Variants in MDGA2 observed in about 807,000 individuals in gnomAD.
MDGA2 encodes the protein MAM domain-containing glycosylphosphatidylinositol anchor protein 2.
In MDGA2, 40 loss-of-function variants were observed where a neutral mutation model predicts 117.8. That is an observed-to-expected ratio of 0.34 (90% CI 0.26 to 0.44). The LOEUF (loss-of-function observed/expected upper bound fraction) is 0.44. Ranked by LOEUF, MDGA2 falls within the 20% of genes least tolerant of loss-of-function variation. The pLI is 1.00. For missense variants in MDGA2, 1,123 were observed against 1,250.6 expected (o/e 0.90, Z 1.54); for synonymous variants, 452 against 439.0 (o/e 1.03, Z -0.37).
In MDGA2 at chr14:47,660,378, T is replaced by C. The variant is rs17119026; in HGVS notation, c.280+14139A>G. ...TAGTCACAATGATACAGGGTTATAC[T>C]ATAGGACACAATAACAGCATTCAAA... On this transcript the variant is annotated intron_variant, in intron 1 of 16. Transcript: ENST00000399232. 0.018 allele frequency among the ~76,000 whole-genome samples: 2,672 copies of C among 152,326 alleles called. 164 individuals are homozygous for C. In the East Asian group the frequency reaches 0.22, roughly 13 times the overall value.
chr14:47,047,397 T>C (rs1429643376), intron 7 of MDGA2, among the ~76,000 whole-genome samples: 2 of 152,114 alleles, frequency 1.3e-5, no homozygotes, highest in African/African-American at 4.8e-5. Flanking sequence ...AATGGCACAA[T>C]GCTCATGAAA....
chr14:47,345,074 T>C (rs536570116), intron 1 of MDGA2, among the ~76,000 whole-genome samples: 137 of 152,244 alleles, frequency 9.0e-4, no homozygotes, highest in African/African-American at 3.1e-3. Flanking sequence ...TTTCTCACAT[T>C]TCTCTCCTTA....
At chr14:47,489,311 A>G (rs1010388196) in intron 1 of MDGA2, among the ~76,000 whole-genome samples, 6 of 152,100 alleles carry the variant, frequency 3.9e-5, no homozygotes, top group Non-Finnish European at 7.4e-5. Flanking sequence ...ATGGTTGTAT[A>G]CTGAATTTAT....
chr14:46,921,018 A>G (rs996320277), intron 9 of MDGA2, among the ~76,000 whole-genome samples: 21 of 152,194 alleles, frequency 1.4e-4, no homozygotes, highest in Non-Finnish European at 2.8e-4. Flanking sequence ...TGAAAAGTTT[A>G]CACACCATTT....
At chr14:47,525,672 G>C (rs1242944586) in intron 1 of MDGA2, among the ~76,000 whole-genome samples, 1 of 151,532 alleles carries the variant, frequency 6.6e-6, no homozygotes, top group East Asian at 1.9e-4. Context: ...ACGACAGTGA[G>C]ACACCGTCTC....
intron 1 of MDGA2, among the ~76,000 whole-genome samples, chr14:47,631,013 A>G (rs1348733804): frequency 1.3e-5 from 2 of 152,202 alleles, no homozygotes; most frequent in African/African-American, 2.4e-5. Flanking sequence ...AGAGCAAGAC[A>G]GCTCCTTTTT....
intron 1 of MDGA2, among the ~76,000 whole-genome samples, chr14:47,534,525 G>A (rs1368288232): frequency 1.3e-5 from 2 of 152,158 alleles, no homozygotes; most frequent in South Asian, 4.1e-4. Flanking sequence ...AAGTGAGAGA[G>A]AGCCAGGAGA....
chr14:46,876,702 AAAC>A (rs1181450738), intron 12 of MDGA2, among the ~76,000 whole-genome samples: 1 of 144,744 alleles, frequency 6.9e-6, no homozygotes, highest in African/African-American at 2.4e-5. Flanking sequence ...TGAAAAAACA[AAAC>A]AAAAAAAAAC....
chr14:47,071,351 C>T (rs17649530), intron 6 of MDGA2, among the ~76,000 whole-genome samples: 11 of 152,110 alleles, frequency 7.2e-5, no homozygotes, highest in Non-Finnish European at 1.2e-4. Flanking sequence ...AACAAAGATC[C>T]GGATGTGTTG....
chr14:46,994,385 A>G (rs1180744889), intron 8 of MDGA2, among the ~76,000 whole-genome samples: 1 of 152,156 alleles, frequency 6.6e-6, no homozygotes, highest in African/African-American at 2.4e-5. Context: ...GACCTTCAGG[A>G]CTGCAATTGG....
At chr14:47,405,158 C>T (rs1303139594) in intron 1 of MDGA2, among the ~76,000 whole-genome samples, 3 of 152,046 alleles carry the variant, frequency 2.0e-5, no homozygotes, top group African/African-American at 7.2e-5. Flanking sequence ...ACAAGAATGG[C>T]TCTATGCGGC....
chr14:47,509,218 G>C (rs2138689217), intron 1 of MDGA2, among the ~76,000 whole-genome samples: 1 of 152,286 alleles, frequency 6.6e-6, no homozygotes, highest in South Asian at 2.1e-4. Context: ...ATACAAAAAA[G>C]ATAGAATGCT....
chr14:47,079,722 T>C (rs964056913), intron 6 of MDGA2, among the ~76,000 whole-genome samples: 12 of 126,544 alleles, frequency 9.5e-5, no homozygotes, highest in Non-Finnish European at 1.4e-4. Flanking sequence ...GCCGATTTTC[T>C]ACTAATTTTT....
In MDGA2 at chr14:47,207,025, G is replaced by C. The variant is rs531905472; in HGVS notation, c.595+10996C>G. Among the ~76,000 whole-genome samples, 5 of 152,122 alleles carry C rather than the reference G, an allele frequency of 3.3e-5. No homozygotes were observed. In the South Asian group the frequency reaches 1.0e-3, roughly 32 times the overall value. Reference sequence around the variant, plus strand: ...ATTTTAAAAGAGATAACATCACTTTGATTTTGTCTCCAGTGCCCTTGAGTA... The same window carrying C: ...ATTTTAAAAGAGATAACATCACTTTCATTTTGTCTCCAGTGCCCTTGAGTA... On this transcript the variant is annotated intron_variant, in intron 3 of 16. Transcript: ENST00000399232.
At chr14:46,858,717 G>A (rs1881386128) in intron 14 of MDGA2, among the ~76,000 whole-genome samples, 1 of 152,070 alleles carries the variant, frequency 6.6e-6, no homozygotes, top group Non-Finnish European at 1.5e-5. Context: ...GTGAGCCACC[G>A]TGCCCGGCCT....
chr14:47,390,498 G>A (rs1327759248), intron 1 of MDGA2, among the ~76,000 whole-genome samples: 1 of 152,070 alleles, frequency 6.6e-6, no homozygotes, highest in Non-Finnish European at 1.5e-5. Flanking sequence ...CAATATGCAT[G>A]GTCACCCCAA....
At chr14:47,448,805 C>T (rs1893181179) in intron 1 of MDGA2, among the ~76,000 whole-genome samples, 1 of 152,174 alleles carries the variant, frequency 6.6e-6, no homozygotes, top group African/African-American at 2.4e-5. Context: ...CCAGGACTTG[C>T]AGCTGGCATC....
Position 47,613,479 on chromosome 14 carries a change from T to TCTCACACA in MDGA2, c.280+61037_280+61038insTGTGTGAG, listed in dbSNP as rs1023859588. 2.4e-3 allele frequency among the ~76,000 whole-genome samples: 342 copies of TCTCACACA among 141,154 alleles called. 6 individuals carry two copies. In the East Asian group the frequency reaches 0.059, roughly 24 times the overall value. The allele number at this position is 141,154 out of a possible 152,430, so 92.6% of individuals were successfully genotyped here. A position where few individuals can be genotyped will look rare whatever the true frequency, so the allele number is the denominator to read the frequency against. ...ATTTATCTCTCTCTCTCTCTCTCTC[T>TCTCACACA]CACACACACACACACACACACACAC... On this transcript the variant is annotated intron_variant, in intron 1 of 16. Transcript: ENST00000399232.
intron 1 of MDGA2, among the ~76,000 whole-genome samples, chr14:47,414,101 G>A (rs1486499976): frequency 6.6e-6 from 1 of 152,070 alleles, no homozygotes; most frequent in Non-Finnish European, 1.5e-5. Flanking sequence ...CAGGAATTAA[G>A]GGACATATGA....
Sources: gnomAD v4.1 joint callset for allele counts (sites outside exome capture counted in the v4.1 genomes callset) on GRCh38, gnomAD v4.1.1 for gene constraint, MANE v1.5 for transcripts, NCBI Gene and HGNC (gene_info 2026-07-23, HGNC 2026-07-21) for gene names.